ACAD8: variants seen among roughly 807,000 people sequenced by gnomAD.
ACAD8 encodes the protein isobutyryl-CoA dehydrogenase, mitochondrial.
A neutral mutation model predicts 53.1 loss-of-function variants in ACAD8; 47 were observed. The ratio of observed to expected loss-of-function variants is 0.89; its 90% CI spans 0.70 to 1.13. The LOEUF (loss-of-function observed/expected upper bound fraction) is 1.13, where lower values mean the gene tolerates loss of function less well. Among genes scored for constraint, ACAD8 ranks in the 50% most tolerant of loss-of-function variants. The probability of loss-of-function intolerance (pLI) is 0.00; values close to 1 mark genes in which losing one functional copy is unlikely to be tolerated. For missense variants in ACAD8, 494 were observed against 535.0 expected, an observed-to-expected ratio of 0.92 and a Z score of 0.76; for synonymous variants, 198 against 201.3, an observed-to-expected ratio of 0.98 and a Z score of 0.14.
chr11:134,263,582 C>T, intron 10 of ACAD8: 1 of 985,470 alleles, frequency 1.0e-6, no homozygotes, highest in South Asian at 4.7e-5. Flanking sequence ...CTTCTGCAAA[C>T]CTCATTCCAG....
chr11:134,253,689 G>A lies in ACAD8; in HGVS notation c.89G>A (p.Ser30Asn). ...GTCCTCGTCCAGACCGGCCACCGGAGCTTGACCTCCTGCATCGACCGTAAG... is the reference window on the plus strand; with the variant it reads ...GTCCTCGTCCAGACCGGCCACCGGAACTTGACCTCCTGCATCGACCGTAAG... ...LRVLVQTGHR[S>N]LTSCIDPSMG... The change falls in exon 1 of 11, where the codon AGC becomes AAC. Residue 30 changes from serine to asparagine, a missense_variant. Transcript: ENST00000281182. The A allele has an allele frequency of 6.3e-7, 1 of 1,599,634 alleles. No homozygotes were observed. The highest frequency in any genetic ancestry group is 1.1e-5 in the South Asian group (1 of 89,098).
At chr11:134,262,734 C>G in intron 10 of ACAD8, 112 bp downstream of exon 10, 1 of 1,515,962 alleles carries the variant, frequency 6.6e-7, no homozygotes, top group Non-Finnish European at 8.9e-7. Flanking sequence ...CAAGCCCTGT[C>G]TGTCTCGAGG....
At chr11:134,258,369 G>C (rs1009786730) in intron 3 of ACAD8, 146 bp from the exon 4 acceptor site, 6 of 696,150 alleles carry the variant, frequency 8.6e-6, no homozygotes, top group Non-Finnish European at 1.6e-5. Flanking sequence ...CCTTTAAAGA[G>C]TCTTCCCAAT....
At chr11:134,264,142 C>T (rs1940059419) in intron 10 of ACAD8, 5 of 786,834 alleles carry the variant, frequency 6.4e-6, no homozygotes, top group Non-Finnish European at 7.7e-6. Flanking sequence ...GCCAGGAGTT[C>T]GAGACCAGCT....
chr11:134,255,551 T>C (rs1442005913), intron 1 of ACAD8, among the ~76,000 whole-genome samples: 1 of 152,202 alleles, frequency 6.6e-6, no homozygotes, highest in African/African-American at 2.4e-5. Context: ...TTGTACAAAA[T>C]TGTGTGAATA....
intron 6 of ACAD8, chr11:134,260,306 A>G (rs1939807304): frequency 1.7e-6 from 1 of 590,570 alleles, no homozygotes; most frequent in Non-Finnish European, 2.2e-6. Context: ...GTAATTGGTA[A>G]TAAGGGCTCA....
At position 134,261,070 on chromosome 11, in the gene ACAD8, A is replaced by C; in HGVS notation, c.732A>C (p.Arg244=). Residue 244 remains arginine, a synonymous_variant, in exon 7 of 11, where the codon CGA becomes CGC. Coordinates refer to ENST00000281182, the MANE Select transcript of ACAD8 (RefSeq NM_014384.3). This position sits in a 1 kb window ranked among gnomAD's most constrained non-coding sequence, Gnocchi z 4.2. The part of the protein sequence containing the change: ...KKVGWNSQPT[R]AVIFEDCAVP... ...TGGGGTGGAACTCCCAGCCAACACG[A>C]GCTGTGATCTTCGAAGACTGTGCTG... 2 of 1,612,686 alleles carry C rather than the reference A, an allele frequency of 1.2e-6. No homozygotes were observed. The highest frequency in any genetic ancestry group is 1.7e-6 in the Non-Finnish European group (2 of 1,179,502).
chr11:134,254,515 A>G (rs1250990918), intron 1 of ACAD8, among the ~76,000 whole-genome samples: 1 of 152,238 alleles, frequency 6.6e-6, no homozygotes, highest in Non-Finnish European at 1.5e-5. Flanking sequence ...ATTTTAAATA[A>G]ATGGCAGTTT....
intron 9 of ACAD8, 124 bp downstream of exon 9, chr11:134,262,014 C>G: frequency 8.2e-7 from 1 of 1,215,564 alleles, no homozygotes; most frequent in Non-Finnish European, 1.2e-6. Context: ...TCACCTTAAG[C>G]TTAAGGATAT....
chr11:134,255,257 C>A (rs1202667361), intron 1 of ACAD8, among the ~76,000 whole-genome samples: 1 of 152,164 alleles, frequency 6.6e-6, no homozygotes, highest in Non-Finnish European at 1.5e-5. Flanking sequence ...GTGCCTCAGC[C>A]TCCCAAGTAG....
At chr11:134,264,119 T>G (rs914850372) in intron 10 of ACAD8, 1 of 909,704 alleles carries the variant, frequency 1.1e-6, no homozygotes, top group Non-Finnish European at 1.3e-6. Context: ...CTGAGGCGGG[T>G]GGATCGCGTG....
rs149252489 is a variant in ACAD8, at chr11:134,264,993, C to T, written c.*33C>T. 36 of 1,607,010 alleles carry T rather than the reference C, an allele frequency of 2.2e-5. No homozygotes were observed. The highest frequency in any genetic ancestry group is 6.7e-5 in the African/African-American group (5 of 74,846). ...ACTTGTTCTGGCCTGGTGTTCAGTG[C>T]GACTGCAGTCAGTGTTGAGTGGTGC... On this transcript the variant is annotated 3_prime_UTR_variant, in exon 11 of 11. Coordinates refer to ENST00000281182, the MANE Select transcript of ACAD8 (RefSeq NM_014384.3).
chr11:134,259,923 C>T, intron 6 of ACAD8, 178 bp downstream of exon 6: 5 of 1,470,964 alleles, frequency 3.4e-6, no homozygotes, highest in South Asian at 1.2e-5. Context: ...TTATTAAACA[C>T]TAGGCCTCTG....
chr11:134,259,841 T>C, intron 6 of ACAD8, 96 bp downstream of exon 6: 1 of 1,583,152 alleles, frequency 6.3e-7, no homozygotes, highest in Non-Finnish European at 8.6e-7. Context: ...GTTTGCATAC[T>C]TGCTAACCTA....
At chr11:134,254,004 C>T (rs1481291430) in intron 1 of ACAD8, among the ~76,000 whole-genome samples, 2 of 149,278 alleles carry the variant, frequency 1.3e-5, no homozygotes, top group Non-Finnish European at 3.0e-5. Context: ...CCGCCCCGGT[C>T]CTCCTCCGGC....
At position 134,253,653 on chromosome 11, in the gene ACAD8, G is replaced by A; in HGVS notation, c.53G>A (p.Gly18Asp). 1 of 1,596,428 alleles carries A rather than the reference G, an allele frequency of 6.3e-7. No homozygotes were observed. The highest frequency in any genetic ancestry group is 1.1e-5 in the South Asian group (1 of 88,902). Reference protein sequence around the residue: ...RFGARLGCLPGGLRVLVQTGH... With the variant: ...RFGARLGCLPDGLRVLVQTGH... ...GGGGCGCGCCTCGGCTGCCTGCCCGGCGGTCTCCGGGTCCTCGTCCAGACC... is the reference window on the plus strand; with the variant it reads ...GGGGCGCGCCTCGGCTGCCTGCCCGACGGTCTCCGGGTCCTCGTCCAGACC... The change falls in exon 1 of 11, where the codon GGC becomes GAC. Residue 18 changes from glycine (G) to aspartate (D), a missense_variant. Coordinates refer to ENST00000281182, the MANE Select transcript of ACAD8 (RefSeq NM_014384.3).
At chr11:134,262,917 A>G in intron 10 of ACAD8, 1 of 1,316,596 alleles carries the variant, frequency 7.6e-7, no homozygotes. Context: ...TGAAAACCAC[A>G]GCCGGGGCTT....
At chr11:134,264,180 CTA>C (rs1940063015) in intron 10 of ACAD8, 1 of 417,936 alleles carries the variant, frequency 2.4e-6, no homozygotes, top group South Asian at 9.9e-5. Flanking sequence ...CCCCGACTGT[CTA>C]AAATTATAAA....
chr11:134,258,279 A>G (rs1436116145), intron 3 of ACAD8: 2 of 576,928 alleles, frequency 3.5e-6, no homozygotes, highest in African/African-American at 3.7e-5. Flanking sequence ...AAGTAGTACA[A>G]ACGTGCTGGT....
Sources: allele counts gnomAD v4.1 joint callset (sites outside exome capture counted in the v4.1 genomes callset), GRCh38; gene constraint gnomAD v4.1.1; non-coding constraint Gnocchi (gnomAD v3.1); transcripts MANE v1.5; gene names NCBI Gene and HGNC (gene_info 2026-07-23, HGNC 2026-07-21).